The following SP100 variants were observed in gnomAD, a reference collection of about 807,000 sequenced individuals.
SP100 encodes the protein nuclear autoantigen Sp-100.
SP100 carries 84 observed loss-of-function variants against 130.0 expected under a neutral mutation model. The ratio of observed to expected loss-of-function variants is 0.65; its 90% CI spans 0.54 to 0.77. SP100 has a LOEUF of 0.77. Among genes scored for constraint, SP100 ranks in the 30% least tolerant of loss-of-function variants. SP100 has a pLI of 0.00. For synonymous variants in SP100, 331 were observed against 351.7 expected (o/e 0.94, Z 0.66); for missense variants, 978 against 1,052.2 (o/e 0.93, Z 0.97).
At chr2:230,512,833 T>C (rs1357013466) in intron 24 of SP100, among the ~76,000 whole-genome samples, 1 of 152,194 alleles carries the variant, frequency 6.6e-6, no homozygotes, top group Non-Finnish European at 1.5e-5. Context: ...TGAGCTTGTT[T>C]TTCTGCAACT....
intron 24 of SP100, among the ~76,000 whole-genome samples, chr2:230,528,780 T>A (rs2150105685): frequency 6.6e-6 from 1 of 152,298 alleles, no homozygotes; most frequent in African/African-American, 2.4e-5. Context: ...CAAACTACCA[T>A]CAGAGAATAC....
chr2:230,416,659 C>A, intron 1 of SP100: 2 of 809,760 alleles, frequency 2.5e-6, no homozygotes, highest in Non-Finnish European at 3.1e-6. Flanking sequence ...ACCCTTTCAC[C>A]CCTCAGCCTT....
chr2:230,437,540 TTTTC>T (rs1406445669), intron 2 of SP100, among the ~76,000 whole-genome samples: 4 of 152,092 alleles, frequency 2.6e-5, no homozygotes, highest in Admixed American at 6.5e-5. Flanking sequence ...GTTCTCTGTT[TTTTC>T]TTTGTTTTTT....
chr2:230,459,074 C>T (rs962909553), intron 8 of SP100, among the ~76,000 whole-genome samples: 1 of 151,990 alleles, frequency 6.6e-6, no homozygotes, highest in African/African-American at 2.4e-5. Context: ...CTTCACCTCA[C>T]CCTGGTTCTG....
chr2:230,511,927 C>T (rs541620610), intron 24 of SP100, among the ~76,000 whole-genome samples: 29 of 152,288 alleles, frequency 1.9e-4, no homozygotes, highest in African/African-American at 6.0e-4. Context: ...AATGCAGTGA[C>T]ACAATCACAG....
intron 14 of SP100, 130 bp from the exon 15 acceptor site, chr2:230,469,885 G>C (rs2149991637): frequency 1.3e-6 from 2 of 1,511,060 alleles, no homozygotes; most frequent in Non-Finnish European, 1.8e-6. Flanking sequence ...GCCAAAGGGT[G>C]GCCTAGTGGT....
chr2:230,503,806 A>G (rs891845766), intron 20 of SP100, among the ~76,000 whole-genome samples: 3 of 152,200 alleles, frequency 2.0e-5, no homozygotes, highest in Non-Finnish European at 4.4e-5. Context: ...CCCTCAGTCA[A>G]TGCCTGGAAT....
intron 4 of SP100, among the ~76,000 whole-genome samples, chr2:230,446,405 G>C (rs2063713772): frequency 6.6e-6 from 1 of 152,146 alleles, no homozygotes; most frequent in South Asian, 2.1e-4. Flanking sequence ...CACTGCACGT[G>C]GCTGATTTTC....
rs773093913 is a variant in SP100 at position 230,503,046 on chromosome 2, T to C, written c.1721-20T>C. The C allele has an allele frequency of 4.4e-6, 7 of 1,581,706 alleles. No individual in the cohort carries two copies. The highest frequency in any genetic ancestry group is 1.7e-4 in the Middle Eastern group (1 of 5,962). On this transcript the variant is annotated intron_variant, in intron 19 of 28. Transcript: ENST00000340126. ...TTTGCAATGTAAAGAGACATTTATG[T>C]TGTTTTTCAACTTTCTCAGGAAGAA...
At chr2:230,510,933 G>A (rs957369828) in intron 23 of SP100, 192 bp from the exon 24 acceptor site, 2 of 615,374 alleles carry the variant, frequency 3.3e-6, no homozygotes, top group Non-Finnish European at 2.9e-6. Context: ...CTTGCATTGG[G>A]CCAAACTGTC....
At chr2:230,466,128 T>G (rs1166172457) in intron 11 of SP100, among the ~76,000 whole-genome samples, 173 bp from the exon 12 acceptor site, 1 of 127,502 alleles carries the variant, frequency 7.8e-6, no homozygotes, top group African/African-American at 3.0e-5. Flanking sequence ...GAAGCTACAG[T>G]GTACCAAGAT....
At chr2:230,460,420 G>A (rs894068424) in intron 8 of SP100, among the ~76,000 whole-genome samples, 7 of 146,572 alleles carry the variant, frequency 4.8e-5, no homozygotes, top group African/African-American at 1.7e-4. Context: ...AGAGGTAAAG[G>A]GAGAAAGAAA....
At chr2:230,531,390 G>A (rs897643144) in intron 24 of SP100, among the ~76,000 whole-genome samples, 18 of 151,808 alleles carry the variant, frequency 1.2e-4, no homozygotes, top group African/African-American at 3.6e-4. Flanking sequence ...GACACAGGGC[G>A]GGGAACATCA....
intron 24 of SP100, among the ~76,000 whole-genome samples, chr2:230,531,269 G>C (rs1357786761): frequency 6.6e-6 from 1 of 152,180 alleles, no homozygotes; most frequent in Admixed American, 6.5e-5. Context: ...GTCCTTTGCA[G>C]GGACATGGAT....
chr2:230,462,646 T>C (rs1481207186), intron 10 of SP100, 128 bp downstream of exon 10: 12 of 725,392 alleles, frequency 1.7e-5, no homozygotes, highest in African/African-American at 3.5e-5. Context: ...TCCCATTCTT[T>C]GCATTAATTT....
chr2:230,504,588 A>G (rs995271929), intron 21 of SP100, among the ~76,000 whole-genome samples: 1 of 152,214 alleles, frequency 6.6e-6, no homozygotes, highest in Non-Finnish European at 1.5e-5. Flanking sequence ...TAATTACTGC[A>G]GCAACAAATT....
chr2:230,450,137 T>C lies in SP100; in HGVS notation c.737-35T>C, dbSNP rs755387713. On this transcript the variant is annotated intron_variant, in intron 7 of 28. Coordinates refer to ENST00000340126, the MANE Select transcript of SP100 (RefSeq NM_001080391.2). ...ATGGAAACAGGACAGAGCAAGGCTCTACTGGATCTCAGCTGTGATCTCGTT... is the reference window on the plus strand; with the variant it reads ...ATGGAAACAGGACAGAGCAAGGCTCCACTGGATCTCAGCTGTGATCTCGTT... 3.0e-5 allele frequency: 44 copies of C among 1,477,434 alleles called. No homozygotes were observed. In the African/African-American group the frequency reaches 5.7e-4, roughly 19 times the overall value. 91.5% of individuals were successfully genotyped at this position (1,477,434 alleles called of 1,614,324 possible).
At chr2:230,450,753 A>T (rs1308882953) in intron 8 of SP100, among the ~76,000 whole-genome samples, 1 of 152,200 alleles carries the variant, frequency 6.6e-6, no homozygotes, top group Non-Finnish European at 1.5e-5. Context: ...CTTATTTTAC[A>T]TAACATAATA....
In SP100 at chr2:230,515,976, C is replaced by G. The variant is rs1050357581; in HGVS notation, c.2094+4810C>G. 3 of 1,003,700 alleles carry G rather than the reference C, an allele frequency of 3.0e-6. No individual in the cohort carries two copies. In the African/African-American group the frequency reaches 5.3e-5, roughly 18 times the overall value. 62.2% of individuals were successfully genotyped at this position (1,003,700 alleles called of 1,614,324 possible). ...TCAGTTGTCTCTGATGTAGCTTATA[C>G]AAAACATTTGTTGTTCTGTTAACTG... On this transcript the variant is annotated intron_variant, in intron 24 of 28. Coordinates refer to ENST00000340126, the MANE Select transcript of SP100 (RefSeq NM_001080391.2).
Sources: allele counts gnomAD v4.1 joint callset (sites outside exome capture counted in the v4.1 genomes callset), GRCh38; gene constraint gnomAD v4.1.1; transcripts MANE v1.5; gene names NCBI Gene and HGNC (gene_info 2026-07-23, HGNC 2026-07-21).